MACROD2: variants seen among roughly 807,000 people sequenced by gnomAD.
MACROD2 encodes the protein ADP-ribose glycohydrolase MACROD2.
Under a neutral mutation model 70.4 loss-of-function variants are expected in MACROD2, and 36 were observed. That is an observed-to-expected ratio of 0.51 (90% CI 0.39 to 0.68). MACROD2 has a LOEUF of 0.68. Among genes scored for constraint, MACROD2 ranks in the 30% least tolerant of loss-of-function variants. MACROD2 has a pLI of 0.00. For missense variants in MACROD2, 496 were observed against 538.4 expected (o/e 0.92, Z 0.78); for synonymous variants, 172 against 178.8 (o/e 0.96, Z 0.30).
chr20:15,650,975 C>T (rs1189872168), intron 8 of MACROD2, among the ~76,000 whole-genome samples: 1 of 152,168 alleles, frequency 6.6e-6, no homozygotes, highest in Non-Finnish European at 1.5e-5. Flanking sequence ...ATAATCTCTT[C>T]TCTTAGAGGG....
chr20:14,475,233 A>T (rs1404268465), intron 3 of MACROD2, among the ~76,000 whole-genome samples: 1 of 152,142 alleles, frequency 6.6e-6, no homozygotes, highest in African/African-American at 2.4e-5. Flanking sequence ...AGAATCACAC[A>T]AAAAACCCCA....
At chr20:14,731,861 A>C (rs1449151645) in intron 5 of MACROD2, among the ~76,000 whole-genome samples, 1 of 152,136 alleles carries the variant, frequency 6.6e-6, no homozygotes, top group Non-Finnish European at 1.5e-5. Flanking sequence ...ACCAGACATT[A>C]AAGATATTTG....
intron 3 of MACROD2, among the ~76,000 whole-genome samples, chr20:14,101,789 A>G (rs1314344923): frequency 2.6e-5 from 4 of 151,894 alleles, no homozygotes; most frequent in Non-Finnish European, 2.9e-5. Context: ...AAAGAAAAAA[A>G]AAACGTGAGA....
chr20:14,739,008 G>A (rs1217372529), intron 5 of MACROD2, among the ~76,000 whole-genome samples: 7 of 151,878 alleles, frequency 4.6e-5, no homozygotes, highest in Non-Finnish European at 7.4e-5. Flanking sequence ...TAAAATATTT[G>A]TAAAATCTTT....
At chr20:15,440,716 C>A (rs1419949322) in intron 7 of MACROD2, among the ~76,000 whole-genome samples, 1 of 152,140 alleles carries the variant, frequency 6.6e-6, no homozygotes, top group Admixed American at 6.5e-5. Context: ...AGGAAGAGTT[C>A]TCTTATGTAA....
rs2049303027 is a variant in MACROD2, at chr20:15,632,298, A to T, written c.645+132451A>T. ...ATAAATGACTGTGTCAATTCAGTTT[A>T]TTGTAAACATTTACTGAGCACATAC... On this transcript the variant is annotated intron_variant, in intron 8 of 17. Transcript: ENST00000684519. 2.0e-5 allele frequency among the ~76,000 whole-genome samples: 3 copies of T among 152,214 alleles called. No individual in the cohort carries two copies. The South Asian group carries it at 6.2e-4, about 32-fold the overall frequency.
intron 5 of MACROD2, among the ~76,000 whole-genome samples, chr20:15,192,003 C>G (rs1321645368): frequency 7.0e-6 from 1 of 143,634 alleles, no homozygotes; most frequent in Non-Finnish European, 1.5e-5. Flanking sequence ...TATGTGCCCT[C>G]TATTAACTAT....
chr20:14,938,041 G>T (rs1555852682), intron 5 of MACROD2, among the ~76,000 whole-genome samples: 1 of 137,428 alleles, frequency 7.3e-6, no homozygotes, highest in African/African-American at 2.6e-5. Context: ...TTTATTGGAT[G>T]ACTCATGTTC....
chr20:15,725,822 A>T (rs138840618), intron 8 of MACROD2, among the ~76,000 whole-genome samples: 2,778 of 151,938 alleles, frequency 0.018, 40 homozygotes, highest in Non-Finnish European at 0.023. Context: ...TAATATGAAT[A>T]CTGAAATTTT....
chr20:15,696,942 C>T (rs1274871938), intron 8 of MACROD2, among the ~76,000 whole-genome samples: 1 of 151,946 alleles, frequency 6.6e-6, no homozygotes, highest in East Asian at 1.9e-4. Context: ...GATTTTCTCT[C>T]TTCTTTTCTT....
intron 5 of MACROD2, among the ~76,000 whole-genome samples, chr20:14,789,010 C>A (rs1228502324): frequency 6.6e-6 from 1 of 151,862 alleles, no homozygotes; most frequent in African/African-American, 2.4e-5. Flanking sequence ...CTCAGGTGAT[C>A]TGCCTGCCTC....
chr20:15,327,019 A>C (rs2077937369), intron 6 of MACROD2, among the ~76,000 whole-genome samples: 1 of 152,140 alleles, frequency 6.6e-6, no homozygotes, highest in African/African-American at 2.4e-5. Flanking sequence ...TTAATAAGAG[A>C]AATGTGTATG....
At chr20:16,030,589 G>T (rs188049261) in intron 15 of MACROD2, among the ~76,000 whole-genome samples, 97 of 152,248 alleles carry the variant, frequency 6.4e-4, no homozygotes, top group African/African-American at 2.2e-3. Context: ...GACCACAGAT[G>T]AACTTTGAAA....
At chr20:14,093,580 A>G (rs942290921) in intron 3 of MACROD2, among the ~76,000 whole-genome samples, 2 of 151,978 alleles carry the variant, frequency 1.3e-5, no homozygotes, top group African/African-American at 4.8e-5. Flanking sequence ...GCTTGAAAAT[A>G]TTTTGGTACA....
Position 14,541,946 on chromosome 20 carries a change from C to T in MACROD2, c.301+48438C>T, listed in dbSNP as rs766186882. Reference sequence around the variant, plus strand: ...TCAAATGGCATGAAACTCAAAACTACAGAATGTAATCTGGGAGACTTATAG... The same window carrying T: ...TCAAATGGCATGAAACTCAAAACTATAGAATGTAATCTGGGAGACTTATAG... On this transcript the variant is annotated intron_variant, in intron 4 of 17. Transcript: ENST00000684519. Among the ~76,000 whole-genome samples, 161 of 152,276 alleles carry T rather than the reference C, an allele frequency of 1.1e-3. 1 individual carries two copies. The highest frequency in any genetic ancestry group is 1.2e-4 in the Non-Finnish European group (8 of 68,012).
intron 3 of MACROD2, among the ~76,000 whole-genome samples, chr20:14,146,370 G>A (rs2054943647): frequency 6.6e-6 from 1 of 152,112 alleles, no homozygotes; most frequent in African/African-American, 2.4e-5. Flanking sequence ...GGGTTGCTCT[G>A]CGATTTAGTG....
chr20:15,331,736 C>T (rs1279779508), intron 6 of MACROD2, among the ~76,000 whole-genome samples: 1 of 151,482 alleles, frequency 6.6e-6, no homozygotes, highest in Non-Finnish European at 1.5e-5. Flanking sequence ...TTTATGAATA[C>T]CTTTTCTTGT....
At chr20:14,906,927 G>A (rs1042242561) in intron 5 of MACROD2, among the ~76,000 whole-genome samples, 2 of 152,142 alleles carry the variant, frequency 1.3e-5, no homozygotes, top group Admixed American at 6.5e-5. Context: ...CCATTGAAAA[G>A]TCCACAGAAG....
intron 3 of MACROD2, among the ~76,000 whole-genome samples, chr20:14,339,075 C>T (rs796180966): frequency 2.1e-4 from 32 of 152,264 alleles, no homozygotes; most frequent in African/African-American, 7.5e-4. Flanking sequence ...TAGTCTTTCC[C>T]AGGACTATTT....
Sources: allele counts gnomAD v4.1 joint callset (sites outside exome capture counted in the v4.1 genomes callset), GRCh38; gene constraint gnomAD v4.1.1; transcripts MANE v1.5; gene names NCBI Gene and HGNC (gene_info 2026-07-23, HGNC 2026-07-21).